ATP2A2: variants seen among roughly 807,000 people sequenced by gnomAD.
ATP2A2 encodes sarcoplasmic/endoplasmic reticulum calcium ATPase 2.
A neutral mutation model predicts 109.3 loss-of-function variants in ATP2A2; 14 were observed. The ratio of observed to expected loss-of-function variants is 0.13; its 90% CI spans 0.08 to 0.20. ATP2A2 has a LOEUF of 0.20. Ranked by LOEUF, ATP2A2 falls within the 10% of genes least tolerant of loss-of-function variation. The pLI is 1.00. For synonymous variants in ATP2A2, 506 were observed against 490.9 expected (o/e 1.03, Z -0.41); for missense variants, 657 against 1,321.6 (o/e 0.50, Z 7.80).
At chr12:110,295,095 A>C (rs575022206) in intron 4 of ATP2A2, among the ~76,000 whole-genome samples, 1 of 152,306 alleles carries the variant, frequency 6.6e-6, no homozygotes, top group East Asian at 1.9e-4. Context: ...CCGGGATTAC[A>C]GGTGTGAGCC....
At chr12:110,332,230 T>C (rs144310693) in intron 8 of ATP2A2, 1 of 318,062 alleles carries the variant, frequency 3.1e-6, no homozygotes, top group Non-Finnish European at 6.1e-6. Context: ...TTCTGAGCAA[T>C]CTAAAGAGTA....
intron 5 of ATP2A2, among the ~76,000 whole-genome samples, chr12:110,308,117 A>G (rs1016736191): frequency 3.9e-5 from 6 of 152,196 alleles, no homozygotes; most frequent in African/African-American, 1.4e-4. Flanking sequence ...CTCATTAGTT[A>G]GTTTTAATAG....
At chr12:110,332,840 T>G (rs1467031966) in intron 9 of ATP2A2, among the ~76,000 whole-genome samples, 155 bp downstream of exon 9, 1 of 152,236 alleles carries the variant, frequency 6.6e-6, no homozygotes, top group Non-Finnish European at 1.5e-5. Context: ...ACAAAAACTT[T>G]GAAAGATGAA....
intron 3 of ATP2A2, among the ~76,000 whole-genome samples, chr12:110,285,915 CTTTTTTTT>C (rs371107246): frequency 8.3e-6 from 1 of 120,626 alleles, no homozygotes; most frequent in Admixed American, 8.4e-5. Context: ...TGAGTTAGTG[CTTTTTTTT>C]TTTTTTTTTT....
At chr12:110,335,112 G>A (rs1026740331) in intron 11 of ATP2A2, among the ~76,000 whole-genome samples, 36 of 152,266 alleles carry the variant, frequency 2.4e-4, no homozygotes, top group Middle Eastern at 3.4e-3. Context: ...TAGCAAGGAT[G>A]GGGAGTCTCC....
chr12:110,293,868 A>ATTTTTT, intron 4 of ATP2A2, among the ~76,000 whole-genome samples: 1 of 83,130 alleles, frequency 1.2e-5, no homozygotes, highest in South Asian at 3.5e-4. Context: ...GTGTGTGTAT[A>ATTTTTT]TATTTTTTTT....
In ATP2A2 at chr12:110,302,434, G is replaced by A. The variant is rs912457721; in HGVS notation, c.463+5697G>A. Among the ~76,000 whole-genome samples, 52 of 152,102 alleles carry A rather than the reference G, an allele frequency of 3.4e-4. 1 individual carries two copies. The highest frequency in any genetic ancestry group is 1.2e-3 in the African/African-American group (50 of 41,494). ...ATTTAAATCCATTTTCCTTTCACCT[G>A]TTTCTGAATCCTTCATAGATAGTGC... On this transcript the variant is annotated intron_variant, in intron 5 of 19. Coordinates refer to ENST00000539276, the MANE Select transcript of ATP2A2 (RefSeq NM_170665.4).
At chr12:110,295,712 G>A (rs773512746) in intron 4 of ATP2A2, among the ~76,000 whole-genome samples, 17 of 152,168 alleles carry the variant, frequency 1.1e-4, no homozygotes, top group Non-Finnish European at 2.2e-4. Flanking sequence ...AGGCTGGTTT[G>A]ATTCTACAAC....
At position 110,348,293 on chromosome 12, in the gene ATP2A2, G is replaced by A; in HGVS notation, c.*1823G>A. On this transcript the variant is annotated 3_prime_UTR_variant, in exon 20 of 20. Coordinates refer to ENST00000539276, the MANE Select transcript of ATP2A2 (RefSeq NM_170665.4). ...CCCCCCCTTGCTTGGTCTTGTCCTT[G>A]GTGGCTAAGACTTAGCTCTGCAGGG... The A allele has an allele frequency of 1.0e-5, 10 of 985,226 alleles. No individual in the cohort carries two copies. Among genetic ancestry groups the A allele is most frequent in the Non-Finnish European group, 1.2e-5 (10 of 829,930 alleles). 61.0% of individuals were successfully genotyped at this position (985,226 alleles called of 1,614,324 possible).
intron 8 of ATP2A2, chr12:110,330,551 A>G (rs967256952): frequency 1.3e-5 from 2 of 152,234 alleles, no homozygotes; most frequent in African/African-American, 4.8e-5. Context: ...TCCTCAGAAT[A>G]GTCTTTATGT....
Position 110,304,607 on chromosome 12 carries a change from G to A in ATP2A2, c.463+7870G>A, listed in dbSNP as rs550768449. Among the ~76,000 whole-genome samples the A allele has an allele frequency of 3.9e-5, 6 of 152,206 alleles. No homozygotes were observed. The South Asian group carries it at 1.2e-3, about 32-fold the overall frequency. On this transcript the variant is annotated intron_variant, in intron 5 of 19. Transcript: ENST00000539276. ...TTGGAGAAATGCCTGTTTAAATTAGGTTATTTGTCTTTTTAATGTTGAGGT... is the reference window on the plus strand; with the variant it reads ...TTGGAGAAATGCCTGTTTAAATTAGATTATTTGTCTTTTTAATGTTGAGGT...
Position 110,304,177 on chromosome 12 carries a change from T to G in ATP2A2, c.463+7440T>G, listed in dbSNP as rs557815317. ...TTACTGCTGAATAATGTTTATTAGT[T>G]GATGGACATTTGGGTTGTTTCCAGT... is the stretch of plus-strand genomic sequence containing the variant. On this transcript the variant is annotated intron_variant, in intron 5 of 19. Transcript: ENST00000539276. Among the ~76,000 whole-genome samples, 30 of 152,380 alleles carry G rather than the reference T, an allele frequency of 2.0e-4. No homozygotes were observed. In the South Asian group the frequency reaches 6.0e-3, roughly 30 times the overall value.
chr12:110,281,981 A>C, intron 1 of ATP2A2, 74 bp downstream of exon 1: 1 of 1,261,488 alleles, frequency 7.9e-7, no homozygotes, highest in Non-Finnish European at 1.1e-6. Flanking sequence ...ACCGGGCTCC[A>C]CCTCGTGGGC....
intron 4 of ATP2A2, among the ~76,000 whole-genome samples, chr12:110,294,066 CAG>C (rs1414111605): frequency 6.7e-6 from 1 of 149,650 alleles, no homozygotes; most frequent in African/African-American, 2.5e-5. Flanking sequence ...TTTTTTGAGA[CAG>C]AGTCTCACTC....
At position 110,327,834 on chromosome 12, in the gene ATP2A2, A is replaced by G; in HGVS notation, c.912A>G (p.Val304=). Residue 304 remains valine, a synonymous_variant, in exon 8 of 20, where the codon GTA becomes GTG. Transcript: ENST00000539276. The surrounding 1 kb of genome is among the most constrained non-coding windows in gnomAD (Gnocchi z 4.4). ...TTAAAATTGCAGTGGCCCTGGCTGT[A>G]GCAGCCATTCCTGAAGGTCTGCCTG... ...YYFKIAVALA[V]AAIPEGLPAV... 1 of 1,614,176 alleles carries G rather than the reference A, an allele frequency of 6.2e-7. No homozygotes were observed. Among genetic ancestry groups the G allele is most frequent in the Non-Finnish European group, 8.5e-7 (1 of 1,180,028 alleles).
At chr12:110,282,033 GC>G in intron 1 of ATP2A2, 126 bp downstream of exon 1, 1 of 678,252 alleles carries the variant, frequency 1.5e-6, no homozygotes. Context: ...GGAGGGTCGG[GC>G]CAGCGCGCCG....
At chr12:110,309,260 C>T (rs200034962) in intron 5 of ATP2A2, among the ~76,000 whole-genome samples, 4 of 140,450 alleles carry the variant, frequency 2.8e-5, no homozygotes, top group African/African-American at 1.1e-4. Context: ...TGGGTTCAAG[C>T]GATTCTCCTG....
At chr12:110,345,194 C>G in intron 17 of ATP2A2, 55 bp from the exon 18 acceptor site, 2 of 1,613,282 alleles carry the variant, frequency 1.2e-6, no homozygotes, top group Non-Finnish European at 1.7e-6. Flanking sequence ...GGGGTTGGAG[C>G]CTGGACTTGG....
In ATP2A2 at chr12:110,326,150, A is replaced by G. The variant is rs1877780983; in HGVS notation, c.545-240A>G. ...AAATAATCAATGGGGATTCTACTTGAAAATTCACTTTTTTATTTTGGAATT... is the reference window on the plus strand; with the variant it reads ...AAATAATCAATGGGGATTCTACTTGGAAATTCACTTTTTTATTTTGGAATT... On this transcript the variant is annotated intron_variant, in intron 6 of 19. Coordinates refer to ENST00000539276, the MANE Select transcript of ATP2A2 (RefSeq NM_170665.4). 3 of 547,422 alleles carry G rather than the reference A, an allele frequency of 5.5e-6. No homozygotes were observed. In the Admixed American group the frequency reaches 9.2e-5, roughly 17 times the overall value. 33.9% of individuals were successfully genotyped at this position (547,422 alleles called of 1,614,324 possible).
Sources: allele counts gnomAD v4.1 joint callset (sites outside exome capture counted in the v4.1 genomes callset), GRCh38; gene constraint gnomAD v4.1.1; non-coding constraint Gnocchi (gnomAD v3.1); transcripts MANE v1.5; gene names NCBI Gene and HGNC (gene_info 2026-07-23, HGNC 2026-07-21).